CTNNA3: variants seen among roughly 807,000 people sequenced by gnomAD.
The protein encoded by CTNNA3 is catenin alpha-3.
Under a neutral mutation model 95.7 loss-of-function variants are expected in CTNNA3, and 76 were observed. The observed-to-expected ratio is 0.79, with a 90% confidence interval of 0.66 to 0.96. CTNNA3 has a LOEUF of 0.96. Among genes scored for constraint, CTNNA3 ranks in the 40% least tolerant of loss-of-function variants. The pLI, the probability that CTNNA3 is intolerant of heterozygous loss-of-function variation, is 0.00. For missense variants in CTNNA3, 1,191 were observed against 1,089.8 expected (o/e 1.09, Z -1.31); for synonymous variants, 431 against 374.4 (o/e 1.15, Z -1.74).
chr10:66,202,666 A>C (rs1216217401), intron 13 of CTNNA3, among the ~76,000 whole-genome samples: 1 of 152,250 alleles, frequency 6.6e-6, no homozygotes, highest in East Asian at 1.9e-4. Flanking sequence ...CTTTTAGTTA[A>C]ACCATTGATT....
intron 17 of CTNNA3, 113 bp from the exon 18 acceptor site, chr10:65,920,730 G>C (rs927600253): frequency 8.6e-7 from 1 of 1,167,364 alleles, no homozygotes. Flanking sequence ...GGAGGCTGAG[G>C]AGGGAGGATC....
At chr10:66,071,826 A>G (rs531338860) in intron 14 of CTNNA3, among the ~76,000 whole-genome samples, 4 of 152,328 alleles carry the variant, frequency 2.6e-5, no homozygotes, top group Admixed American at 1.3e-4. Context: ...AAATAGATTC[A>G]GTTCTTTACT....
At chr10:66,051,277 A>C (rs574672135) in intron 15 of CTNNA3, among the ~76,000 whole-genome samples, 2 of 152,328 alleles carry the variant, frequency 1.3e-5, no homozygotes, top group African/African-American at 4.8e-5. Context: ...TGAAGACCAT[A>C]ATCCTGTGTA....
At chr10:66,428,224 C>T (rs894593637) in intron 11 of CTNNA3, among the ~76,000 whole-genome samples, 1 of 152,076 alleles carries the variant, frequency 6.6e-6, no homozygotes, top group Admixed American at 6.6e-5. Context: ...ATATATGCAC[C>T]ATATAAAGGA....
intron 11 of CTNNA3, among the ~76,000 whole-genome samples, chr10:66,488,038 G>C (rs563466436): frequency 6.6e-6 from 1 of 152,210 alleles, no homozygotes; most frequent in South Asian, 2.1e-4. Context: ...TCCTCCCATA[G>C]CTCTGACACA....
At chr10:65,970,601 T>C (rs1340677142) in intron 16 of CTNNA3, among the ~76,000 whole-genome samples, 1 of 150,910 alleles carries the variant, frequency 6.6e-6, no homozygotes, top group Non-Finnish European at 1.5e-5. Context: ...CAGATTAAAC[T>C]ACAACAAAAA....
intron 13 of CTNNA3, among the ~76,000 whole-genome samples, chr10:66,150,053 T>C (rs1232528502): frequency 2.0e-5 from 3 of 152,216 alleles, no homozygotes; most frequent in African/African-American, 7.2e-5. Flanking sequence ...TTCTTTGTTT[T>C]CCATAATGGT....
At chr10:66,672,735 G>A (rs1846709585) in intron 9 of CTNNA3, among the ~76,000 whole-genome samples, 3 of 151,694 alleles carry the variant, frequency 2.0e-5, no homozygotes, top group Admixed American at 2.0e-4. Flanking sequence ...ACCCACCCGA[G>A]CAACACCCAC....
chr10:66,041,761 G>T (rs2079693317), intron 15 of CTNNA3, among the ~76,000 whole-genome samples: 1 of 151,740 alleles, frequency 6.6e-6, no homozygotes, highest in African/African-American at 2.4e-5. Context: ...TGTACTTTCT[G>T]GTCTTTCTCT....
intron 11 of CTNNA3, among the ~76,000 whole-genome samples, chr10:66,411,579 T>C (rs891234873): frequency 4.6e-5 from 7 of 152,132 alleles, no homozygotes; most frequent in African/African-American, 1.7e-4. Context: ...AAAGATAATG[T>C]GGGTGCTTGA....
chr10:67,742,637 G>C (rs950269424), intron 1 of CTNNA3, among the ~76,000 whole-genome samples: 2 of 150,988 alleles, frequency 1.3e-5, no homozygotes, highest in African/African-American at 4.9e-5. Context: ...CAGAAGGCAA[G>C]AAATAACTAA....
At chr10:66,123,626 A>G (rs1249664686) in intron 13 of CTNNA3, among the ~76,000 whole-genome samples, 1 of 152,152 alleles carries the variant, frequency 6.6e-6, no homozygotes, top group African/African-American at 2.4e-5. Flanking sequence ...GAGGTTCTCC[A>G]TGGGATCCCC....
intron 5 of CTNNA3, among the ~76,000 whole-genome samples, chr10:67,366,823 A>T (rs565419018): frequency 2.0e-5 from 3 of 152,322 alleles, no homozygotes; most frequent in African/African-American, 7.2e-5. Flanking sequence ...CAGAAGAATA[A>T]AACTGGACCC....
intron 3 of CTNNA3, among the ~76,000 whole-genome samples, chr10:67,564,211 C>A (rs1291630506): frequency 2.0e-5 from 3 of 149,598 alleles, no homozygotes; most frequent in African/African-American, 7.4e-5. Context: ...TATTGTGGCA[C>A]TATTCACAAT....
intron 7 of CTNNA3, among the ~76,000 whole-genome samples, chr10:66,838,676 G>A (rs1842956957): frequency 6.6e-6 from 1 of 152,168 alleles, no homozygotes; most frequent in Non-Finnish European, 1.5e-5. Context: ...GAGAGGAAAT[G>A]TGCTGAGCTG....
intron 1 of CTNNA3, among the ~76,000 whole-genome samples, chr10:67,670,056 T>G (rs1206488670): frequency 6.6e-6 from 1 of 152,182 alleles, no homozygotes; most frequent in Admixed American, 6.5e-5. Flanking sequence ...TGGTTAAAGA[T>G]AGAATACCGA....
intron 5 of CTNNA3, among the ~76,000 whole-genome samples, chr10:67,388,892 C>T (rs1374688962): frequency 5.9e-5 from 9 of 152,232 alleles, no homozygotes; most frequent in African/African-American, 2.2e-4. Flanking sequence ...GCCGGCCTTA[C>T]AAGAGCTCCT....
intron 9 of CTNNA3, among the ~76,000 whole-genome samples, chr10:66,637,858 G>T (rs962648051): frequency 1.3e-5 from 2 of 152,062 alleles, no homozygotes; most frequent in Non-Finnish European, 2.9e-5. Context: ...GATCCCTCCT[G>T]CCCCTGGCTG....
At chr10:66,709,451 C>T (rs1194342208) in intron 9 of CTNNA3, among the ~76,000 whole-genome samples, 4 of 152,032 alleles carry the variant, frequency 2.6e-5, no homozygotes, top group African/African-American at 9.7e-5. Context: ...CATCCCTTGG[C>T]AATATGGAAA....
Sources: gnomAD v4.1 joint callset for allele counts (sites outside exome capture counted in the v4.1 genomes callset) on GRCh38, gnomAD v4.1.1 for gene constraint, MANE v1.5 for transcripts, NCBI Gene and HGNC (gene_info 2026-07-23, HGNC 2026-07-21) for gene names.